The following CDK5RAP2 variants were observed in gnomAD, a reference collection of about 807,000 sequenced individuals.
CDK5RAP2 encodes CDK5 regulatory subunit associated protein 2.
Under a neutral mutation model 232.9 loss-of-function variants are expected in CDK5RAP2, and 147 were observed. The observed-to-expected ratio is 0.63, with a 90% CI of 0.55 to 0.72. The LOEUF is 0.72. Among genes scored for constraint, CDK5RAP2 ranks in the 30% least tolerant of loss-of-function variants. The pLI is 0.00. For missense variants in CDK5RAP2, 2,195 were observed against 2,231.5 expected, an observed-to-expected ratio of 0.98 and a Z score of 0.33; for synonymous variants, 833 against 833.7, an observed-to-expected ratio of 1.00 and a Z score of 0.01.
chr9:120,534,430 A>C (rs1326885662), intron 7 of CDK5RAP2, among the ~76,000 whole-genome samples: 1 of 152,176 alleles, frequency 6.6e-6, no homozygotes, highest in Non-Finnish European at 1.5e-5. Context: ...GATCCTACTT[A>C]GCCCTTATCA....
At chr9:120,466,233 C>T (rs2037371933) in intron 18 of CDK5RAP2, among the ~76,000 whole-genome samples, 1 of 152,130 alleles carries the variant, frequency 6.6e-6, no homozygotes, top group Non-Finnish European at 1.5e-5. Context: ...TTTGTTTCTG[C>T]TTTGTTTCTC....
chr9:120,541,974 G>A lies in CDK5RAP2; in HGVS notation c.384-2810C>T, dbSNP rs79491504. Among the ~76,000 whole-genome samples, 155 of 152,272 alleles carry A rather than the reference G, an allele frequency of 1.0e-3. 2 individuals are homozygous for A. The East Asian group carries it at 0.024, about 24-fold the overall frequency. On this transcript the variant is annotated intron_variant, in intron 5 of 37. Transcript: ENST00000349780. ...AGAAAGCCAGATTCTATAAATGCCA[G>A]CCTCACTACCCTTTTTAATTCTCCA...
At chr9:120,429,518 A>G (rs2035142055) in intron 25 of CDK5RAP2, among the ~76,000 whole-genome samples, 1 of 152,222 alleles carries the variant, frequency 6.6e-6, no homozygotes, top group African/African-American at 2.4e-5. Flanking sequence ...AACTGCTTCA[A>G]AGAGAATAAA....
chr9:120,424,575 C>G (rs1363925655), intron 25 of CDK5RAP2, among the ~76,000 whole-genome samples: 1 of 152,190 alleles, frequency 6.6e-6, no homozygotes, highest in African/African-American at 2.4e-5. Flanking sequence ...GCAGATAAGA[C>G]TAACCCTGCA....
At chr9:120,414,544 G>GA (rs989368461) in intron 28 of CDK5RAP2, among the ~76,000 whole-genome samples, 1 of 152,090 alleles carries the variant, frequency 6.6e-6, no homozygotes, top group Non-Finnish European at 1.5e-5. Flanking sequence ...CAGAAGAAAA[G>GA]AAAAAAGTGG....
At chr9:120,457,717 A>ATCCATTCTCTATCCATTTCTCTCC (rs1276060193) in intron 20 of CDK5RAP2, among the ~76,000 whole-genome samples, 1 of 152,226 alleles carries the variant, frequency 6.6e-6, no homozygotes, top group Non-Finnish European at 1.5e-5. Flanking sequence ...CCATTTCTCT[A>ATCCATTCTCTATCCATTTCTCTCC]TCCATTCAGG....
At chr9:120,406,166 C>T (rs908082272) in intron 32 of CDK5RAP2, 1 of 152,148 alleles carries the variant, frequency 6.6e-6, no homozygotes, top group African/African-American at 2.4e-5. Context: ...TAGAGGTATC[C>T]AAGTAAAAGT....
chr9:120,464,138 A>G (rs1206842019), intron 18 of CDK5RAP2, among the ~76,000 whole-genome samples: 2 of 152,158 alleles, frequency 1.3e-5, no homozygotes, highest in Admixed American at 6.5e-5. Flanking sequence ...GTTCGACACT[A>G]TGAAACACTC....
At chr9:120,426,675 G>A (rs1487837118) in intron 25 of CDK5RAP2, among the ~76,000 whole-genome samples, 1 of 152,144 alleles carries the variant, frequency 6.6e-6, no homozygotes, top group Non-Finnish European at 1.5e-5. Context: ...AAGGAGAAAG[G>A]GAAGGGGATT....
chr9:120,477,382 G>A lies in CDK5RAP2; in HGVS notation c.1695C>T (p.Thr565=). 3 of 1,613,696 alleles carry A rather than the reference G, an allele frequency of 1.9e-6. No individual in the cohort carries two copies. The highest frequency in any genetic ancestry group is 2.2e-5 in the East Asian group (1 of 44,892). The change falls in exon 15 of 38, where the codon ACC becomes ACT. Residue 565 remains threonine (T), a synonymous_variant. Coordinates refer to ENST00000349780, the MANE Select transcript of CDK5RAP2 (RefSeq NM_018249.6). ...ATTCCTGCAGAGATTTGACCAGATGGGTATAGATGTCCTGCTCTTTCTTTA... is the reference window on the plus strand; with the variant it reads ...ATTCCTGCAGAGATTTGACCAGATGAGTATAGATGTCCTGCTCTTTCTTTA... ...QVLKKEQDIY[T]HLVKSLQESD...
intron 1 of CDK5RAP2, among the ~76,000 whole-genome samples, chr9:120,578,967 T>G (rs1430670025): frequency 6.6e-6 from 1 of 152,224 alleles, no homozygotes; most frequent in African/African-American, 2.4e-5. Flanking sequence ...ATAGTAGAGC[T>G]GGATAAACAG....
At chr9:120,452,471 A>G (rs1251015355) in intron 21 of CDK5RAP2, among the ~76,000 whole-genome samples, 1 of 152,090 alleles carries the variant, frequency 6.6e-6, no homozygotes, top group Non-Finnish European at 1.5e-5. Flanking sequence ...GATTTCTCAA[A>G]TACAAAACAC....
chr9:120,404,984 G>C (rs1219821901), intron 32 of CDK5RAP2, among the ~76,000 whole-genome samples: 1 of 152,204 alleles, frequency 6.6e-6, no homozygotes, highest in Non-Finnish European at 1.5e-5. Flanking sequence ...GATAGAAAGT[G>C]ATCTGTCCAG....
In CDK5RAP2 at chr9:120,546,424, G is replaced by A. The variant is rs542925468; in HGVS notation, c.307-634C>T. On this transcript the variant is annotated intron_variant, in intron 4 of 37. Coordinates refer to ENST00000349780, the MANE Select transcript of CDK5RAP2 (RefSeq NM_018249.6). ...CAAAGGGAGTTGCACACAGCCTTGG[G>A]CTTATAACTCACGTGAGAATCCAGG... is the stretch of plus-strand genomic sequence containing the variant. Among the ~76,000 whole-genome samples, 6 of 152,244 alleles carry A rather than the reference G, an allele frequency of 3.9e-5. No individual in the cohort carries two copies. The South Asian group carries it at 1.0e-3, about 26-fold the overall frequency.
chr9:120,487,176 G>A (rs751069054), intron 14 of CDK5RAP2, 118 bp downstream of exon 14: 34 of 1,077,418 alleles, frequency 3.2e-5, no homozygotes, highest in Non-Finnish European at 4.7e-5. Context: ...CCTGTTGTAG[G>A]CTCAGTTACC....
chr9:120,456,261 T>C (rs1347054446), intron 20 of CDK5RAP2, among the ~76,000 whole-genome samples: 2 of 152,220 alleles, frequency 1.3e-5, no homozygotes, highest in Non-Finnish European at 2.9e-5. Context: ...AAGGTCCTCA[T>C]TGGTGTTAGT....
chr9:120,500,439 GT>G (rs1412227754), intron 12 of CDK5RAP2, among the ~76,000 whole-genome samples: 1 of 152,180 alleles, frequency 6.6e-6, no homozygotes, highest in East Asian at 1.9e-4. Context: ...CCAAGTGGGA[GT>G]TTTTTGTTGC....
chr9:120,548,164 G>C (rs2041918751), intron 4 of CDK5RAP2, among the ~76,000 whole-genome samples: 1 of 152,212 alleles, frequency 6.6e-6, no homozygotes, highest in Non-Finnish European at 1.5e-5. Context: ...TTTTCTTGAA[G>C]AAAGTGATCT....
intron 18 of CDK5RAP2, among the ~76,000 whole-genome samples, chr9:120,464,868 C>A (rs982403012): frequency 6.6e-6 from 1 of 152,258 alleles, no homozygotes; most frequent in East Asian, 1.9e-4. Context: ...CGTATGAAGT[C>A]AAATTGTTAG....
Sources: gnomAD v4.1 joint callset for allele counts (sites outside exome capture counted in the v4.1 genomes callset) on GRCh38, gnomAD v4.1.1 for gene constraint, MANE v1.5 for transcripts, NCBI Gene and HGNC (gene_info 2026-07-23, HGNC 2026-07-21) for gene names.